Variants in RIMS4 observed in about 807,000 individuals in gnomAD.
RIMS4 encodes the protein regulating synaptic membrane exocytosis 4.
In RIMS4, 9 loss-of-function variants were observed where a neutral mutation model predicts 29.0. The observed-to-expected ratio is 0.31, with a 90% CI of 0.19 to 0.54. RIMS4 has a LOEUF of 0.54. Among genes scored for constraint, RIMS4 ranks in the 20% least tolerant of loss-of-function variants. The pLI is 0.94. For missense variants in RIMS4, 193 were observed against 365.7 expected (o/e 0.53, Z 3.85); for synonymous variants, 130 against 152.9 (o/e 0.85, Z 1.10).
Position 44,761,910 on chromosome 20 carries a change from C to A in RIMS4, c.237-3726G>T, listed in dbSNP as rs2066087098. Among the ~76,000 whole-genome samples the A allele has an allele frequency of 2.6e-5, 4 of 152,300 alleles. No individual in the cohort carries two copies. The South Asian group carries it at 8.3e-4, about 32-fold the overall frequency. On this transcript the variant is annotated intron_variant, in intron 2 of 5. Transcript: ENST00000372851. ...GTCTGGGGACTGAAAGGTATACCCACTATTCTTGCAAAACCAAAGACCCTT... is the reference window on the plus strand; with the variant it reads ...GTCTGGGGACTGAAAGGTATACCCAATATTCTTGCAAAACCAAAGACCCTT...
chr20:44,768,614 G>A (rs531804149), intron 2 of RIMS4, among the ~76,000 whole-genome samples: 8 of 152,194 alleles, frequency 5.3e-5, no homozygotes, highest in Non-Finnish European at 7.3e-5. Flanking sequence ...GCAGCGCCTC[G>A]CCTGGCTGGG....
intron 1 of RIMS4, among the ~76,000 whole-genome samples, chr20:44,809,122 C>T (rs948628161): frequency 2.6e-5 from 4 of 152,122 alleles, no homozygotes; most frequent in African/African-American, 9.7e-5. Flanking sequence ...TACGATGATC[C>T]CCATTTCAGA....
chr20:44,765,886 G>A (rs1010952336), intron 2 of RIMS4, among the ~76,000 whole-genome samples: 6 of 152,222 alleles, frequency 3.9e-5, no homozygotes, highest in Non-Finnish European at 8.8e-5. Context: ...AGGATGCCAA[G>A]GCCCTGGATT....
At chr20:44,774,249 C>G (rs1475519176) in intron 1 of RIMS4, among the ~76,000 whole-genome samples, 1 of 152,186 alleles carries the variant, frequency 6.6e-6, no homozygotes, top group African/African-American at 2.4e-5. Context: ...CTCTTCCTCA[C>G]TTCCAAATGT....
chr20:44,754,267 C>T lies in RIMS4; in HGVS notation c.*1867G>A, dbSNP rs2066048400. 1 of 153,282 alleles carries T rather than the reference C, an allele frequency of 6.5e-6. No individual in the cohort carries two copies. Among genetic ancestry groups the T allele is most frequent in the South Asian group, 2.1e-4 (1 of 4,830 alleles). The allele number at this position is 153,282 out of a possible 1,614,324, so 9.5% of individuals were successfully genotyped here. A position where few individuals can be genotyped will look rare whatever the true frequency, so the allele number is the denominator to read the frequency against. ...GGGTAAAGGGGGCGTCTCCATCTCC[C>T]CTTCCCAGTGCAGGGTAAGCAGCTC... On this transcript the variant is annotated 3_prime_UTR_variant, in exon 6 of 6. Transcript: ENST00000372851.
intron 1 of RIMS4, among the ~76,000 whole-genome samples, chr20:44,797,517 C>T (rs2066259929): frequency 6.6e-6 from 1 of 152,248 alleles, no homozygotes; most frequent in African/African-American, 2.4e-5. Flanking sequence ...TTCTCACTCC[C>T]ATCCTGGGGT....
intron 1 of RIMS4, among the ~76,000 whole-genome samples, chr20:44,792,562 G>C (rs2066237797): frequency 6.6e-6 from 1 of 152,102 alleles, no homozygotes; most frequent in Non-Finnish European, 1.5e-5. Context: ...AAAGTGCTGG[G>C]ATTGCAGGCA....
At chr20:44,807,567 G>C (rs2066304094) in intron 1 of RIMS4, among the ~76,000 whole-genome samples, 1 of 152,174 alleles carries the variant, frequency 6.6e-6, no homozygotes, top group South Asian at 2.1e-4. Flanking sequence ...CAGGTATTAA[G>C]AAGGCCAGGG....
chr20:44,796,158 C>T (rs774039083), intron 1 of RIMS4, among the ~76,000 whole-genome samples: 24 of 151,854 alleles, frequency 1.6e-4, no homozygotes, highest in Non-Finnish European at 3.1e-4. Flanking sequence ...AGCTGTCCCC[C>T]TCCCTGTGCC....
intron 2 of RIMS4, 47 bp from the exon 3 acceptor site, chr20:44,758,231 C>A (rs2066069272): frequency 2.2e-6 from 3 of 1,372,582 alleles, no homozygotes; most frequent in Non-Finnish European, 3.1e-6. Context: ...CAGTGGTTTA[C>A]CAACAACTCT....
chr20:44,788,461 A>C (rs2066218422), intron 1 of RIMS4, among the ~76,000 whole-genome samples: 1 of 152,204 alleles, frequency 6.6e-6, no homozygotes, highest in Non-Finnish European at 1.5e-5. Flanking sequence ...TTTGCTTGAT[A>C]AATGAAGTTG....
intron 1 of RIMS4, among the ~76,000 whole-genome samples, chr20:44,773,733 A>G (rs2066147288): frequency 1.3e-5 from 2 of 152,168 alleles, no homozygotes; most frequent in Admixed American, 1.3e-4. Flanking sequence ...TACAGCCCTC[A>G]AAGCAGTTCC....
rs1601029728 is a variant in RIMS4, at chr20:44,776,979, A to T, written c.98-5566T>A. On this transcript the variant is annotated intron_variant, in intron 1 of 5. Transcript: ENST00000372851. ...CAAAGCCATGTTTTAAATGCACCCT[A>T]AAGTAAACTCTCCAAGCTCCATCCC... 2.0e-5 allele frequency among the ~76,000 whole-genome samples: 3 copies of T among 152,310 alleles called. 1 individual carries two copies. Among genetic ancestry groups the T allele is most frequent in the Admixed American group, 2.0e-4 (3 of 15,306 alleles).
At chr20:44,788,746 A>G (rs1020923758) in intron 1 of RIMS4, among the ~76,000 whole-genome samples, 3 of 152,156 alleles carry the variant, frequency 2.0e-5, no homozygotes, top group Non-Finnish European at 4.4e-5. Flanking sequence ...TGGGTGACAG[A>G]GAAAGACCCT....
chr20:44,780,785 CTCAGACCTTTTTCCA>C (rs2066180816), intron 1 of RIMS4, among the ~76,000 whole-genome samples: 1 of 152,100 alleles, frequency 6.6e-6, no homozygotes, highest in African/African-American at 2.4e-5. Flanking sequence ...GGATAAGTGC[CTCAGACCTTTTTCCA>C]AGAGGATTTG....
In RIMS4 at chr20:44,756,534, A is replaced by T. The variant is rs1381929978; in HGVS notation, c.592-182T>A. ...ATCACACCAAGCCCCTGGCCTCCAG[A>T]GGCTGTTGATGGTAATGGTGACGGT... On this transcript the variant is annotated intron_variant, in intron 5 of 5. Coordinates refer to ENST00000372851, the MANE Select transcript of RIMS4 (RefSeq NM_182970.4). The surrounding 1 kb of genome is among the most constrained non-coding windows in gnomAD (Gnocchi z 5.9). 6.6e-6 allele frequency among the ~76,000 whole-genome samples: 1 copy of T among 152,134 alleles called. No individual in the cohort carries two copies. Among genetic ancestry groups the T allele is most frequent in the Non-Finnish European group, 1.5e-5 (1 of 68,012 alleles).
intron 1 of RIMS4, among the ~76,000 whole-genome samples, chr20:44,802,335 C>T (rs1222595526): frequency 2.6e-5 from 4 of 152,148 alleles, no homozygotes; most frequent in African/African-American, 9.7e-5. Flanking sequence ...TGAGTATTTA[C>T]TATTATTATG....
chr20:44,777,071 C>G (rs186122538), intron 1 of RIMS4, among the ~76,000 whole-genome samples: 545 of 152,338 alleles, frequency 3.6e-3, no homozygotes, highest in Non-Finnish European at 5.4e-3. Flanking sequence ...CGGGGCACTT[C>G]AATCTTCACT....
At chr20:44,785,407 C>T (rs1413504735) in intron 1 of RIMS4, among the ~76,000 whole-genome samples, 1 of 152,076 alleles carries the variant, frequency 6.6e-6, no homozygotes, top group Non-Finnish European at 1.5e-5. Flanking sequence ...GACAGGGTCT[C>T]GCCATGTTGC....
Sources: allele counts gnomAD v4.1 joint callset (sites outside exome capture counted in the v4.1 genomes callset), GRCh38; gene constraint gnomAD v4.1.1; non-coding constraint Gnocchi (gnomAD v3.1); transcripts MANE v1.5; gene names NCBI Gene and HGNC (gene_info 2026-07-23, HGNC 2026-07-21).